SNTG2: variants seen among roughly 807,000 people sequenced by gnomAD.
SNTG2 encodes the protein gamma-2-syntrophin.
In SNTG2, 74 loss-of-function variants were observed where a neutral mutation model predicts 70.9. The ratio of observed to expected loss-of-function variants is 1.04; its 90% CI spans 0.86 to 1.27. The LOEUF (loss-of-function observed/expected upper bound fraction) is 1.27, where lower values mean the gene tolerates loss of function less well. Among genes scored for constraint, SNTG2 ranks in the 50% most tolerant of loss-of-function variants. The probability of loss-of-function intolerance (pLI) is 0.00; values close to 1 mark genes in which losing one functional copy is unlikely to be tolerated. For synonymous variants in SNTG2, 278 were observed against 273.8 expected (o/e 1.02, Z -0.15); for missense variants, 717 against 690.7 (o/e 1.04, Z -0.43).
chr2:1,033,159 T>C (rs894225388), intron 1 of SNTG2, among the ~76,000 whole-genome samples: 10 of 152,278 alleles, frequency 6.6e-5, no homozygotes, highest in African/African-American at 9.6e-5. Context: ...ATCTCCAACA[T>C]TGGAGATGAC....
intron 1 of SNTG2, among the ~76,000 whole-genome samples, chr2:984,546 T>C (rs1418115819): frequency 6.6e-6 from 1 of 152,156 alleles, no homozygotes; most frequent in Non-Finnish European, 1.5e-5. Context: ...TCCTCCCTGG[T>C]CCCTTTGGTG....
chr2:953,740 GGT>G (rs1404322572), intron 1 of SNTG2, among the ~76,000 whole-genome samples: 1 of 152,192 alleles, frequency 6.6e-6, no homozygotes, highest in Non-Finnish European at 1.5e-5. Context: ...ATTTGAATGA[GGT>G]CCAATTAAGA....
In SNTG2 at chr2:1,216,517, C is replaced by T. The variant is rs567549357; in HGVS notation, c.719+7287C>T. Among the ~76,000 whole-genome samples the T allele has an allele frequency of 1.2e-4, 19 of 152,298 alleles. 1 individual carries two copies. Among genetic ancestry groups the T allele is most frequent in the African/African-American group, 4.6e-4 (19 of 41,578 alleles). ...CCATTCTGTAGGTTGCCTGTTCACT[C>T]TGATGGTAGTTTCTTTTGCTGTGCA... On this transcript the variant is annotated intron_variant, in intron 9 of 16. Transcript: ENST00000308624.
chr2:980,271 T>C (rs902973390), intron 1 of SNTG2, among the ~76,000 whole-genome samples: 13 of 152,204 alleles, frequency 8.5e-5, no homozygotes, highest in African/African-American at 3.1e-4. Context: ...CTGGGCCTCC[T>C]CTTTAAAGGT....
chr2:1,346,546 C>A (rs566861846), intron 16 of SNTG2: 1 of 152,344 alleles, frequency 6.6e-6, no homozygotes, highest in African/African-American at 2.4e-5. Context: ...CTCCCTCCAA[C>A]GCGGGCTTCA....
intron 1 of SNTG2, among the ~76,000 whole-genome samples, chr2:1,020,215 C>T (rs1660086156): frequency 1.3e-5 from 2 of 152,254 alleles, no homozygotes. Context: ...TTCCAGCCTT[C>T]ATAGACGTGG....
intron 12 of SNTG2, among the ~76,000 whole-genome samples, chr2:1,248,470 G>T (rs2148133996): frequency 6.6e-6 from 1 of 152,212 alleles, no homozygotes; most frequent in Middle Eastern, 3.4e-3. Context: ...TATCATATTG[G>T]CTTTAGTTGC....
At chr2:965,174 A>C (rs1660497989) in intron 1 of SNTG2, among the ~76,000 whole-genome samples, 1 of 116,612 alleles carries the variant, frequency 8.6e-6, no homozygotes, top group Non-Finnish European at 1.8e-5. Flanking sequence ...CTTGGACCCC[A>C]ATCCTCCTCC....
chr2:1,320,409 G>A (rs1353090649), intron 16 of SNTG2, among the ~76,000 whole-genome samples: 1 of 151,748 alleles, frequency 6.6e-6, no homozygotes, highest in East Asian at 1.9e-4. Flanking sequence ...GCGGGCACCT[G>A]TAGTCCCAGC....
rs569475592 is a variant in SNTG2, at chr2:1,216,893, GTT to G, written c.719+7666_719+7667del. The stretch of plus-strand genomic sequence containing the variant: ...GAGTGAATTCTCATCAGATCTGATG[GTT>G]TTGTAAGGGGCTCTTTCCCTTTCAC... On this transcript the variant is annotated intron_variant, in intron 9 of 16. Coordinates refer to ENST00000308624, the MANE Select transcript of SNTG2 (RefSeq NM_018968.4). 7.2e-4 allele frequency among the ~76,000 whole-genome samples: 109 copies of G among 151,966 alleles called. 2 individuals are homozygous for G. Among genetic ancestry groups the G allele is most frequent in the Admixed American group, 7.1e-3 (108 of 15,272 alleles).
intron 1 of SNTG2, among the ~76,000 whole-genome samples, chr2:1,072,710 A>G (rs78041734): frequency 0.02 from 2,977 of 152,264 alleles, 86 homozygotes; most frequent in African/African-American, 0.068. Context: ...AATACATCTC[A>G]TAAAGTTATA....
intron 6 of SNTG2, among the ~76,000 whole-genome samples, chr2:1,139,059 G>C (rs1257484658): frequency 1.3e-5 from 2 of 152,166 alleles, no homozygotes; most frequent in African/African-American, 4.8e-5. Context: ...CATATTTCTT[G>C]GCCTCCAAAG....
chr2:1,250,207 C>T (rs1677671873), intron 12 of SNTG2, among the ~76,000 whole-genome samples: 1 of 152,240 alleles, frequency 6.6e-6, no homozygotes, highest in African/African-American at 2.4e-5. Context: ...AGTCCGTGCT[C>T]TGTCTCCGCC....
intron 6 of SNTG2, among the ~76,000 whole-genome samples, chr2:1,158,146 A>C (rs1670025339): frequency 1.3e-5 from 2 of 152,238 alleles, no homozygotes; most frequent in Admixed American, 1.3e-4. Flanking sequence ...TGACTATGGC[A>C]GTATGTAAGG....
rs375699763 is a variant in SNTG2, at chr2:998,234, G to C, written c.72+47166G>C. ...TGAGAAGGAACCAGAAATTCTGGAA[G>C]TATGAACAGAGTATTACAGCAGCCC... On this transcript the variant is annotated intron_variant, in intron 1 of 16. Coordinates refer to ENST00000308624, the MANE Select transcript of SNTG2 (RefSeq NM_018968.4). 4.6e-5 allele frequency among the ~76,000 whole-genome samples: 7 copies of C among 152,238 alleles called. No homozygotes were observed. In the East Asian group the frequency reaches 1.2e-3, roughly 25 times the overall value.
chr2:1,236,303 A>T (rs34394533), intron 9 of SNTG2, among the ~76,000 whole-genome samples: 14,692 of 152,278 alleles, frequency 0.096, 785 homozygotes, highest in South Asian at 0.15. Flanking sequence ...TTGAAGTGTA[A>T]AAATTAATTT....
intron 1 of SNTG2, among the ~76,000 whole-genome samples, chr2:1,059,903 G>T (rs1234864830): frequency 6.6e-6 from 1 of 151,896 alleles, no homozygotes; most frequent in Non-Finnish European, 1.5e-5. Flanking sequence ...TTGGATCAGG[G>T]GTACAAAAGT....
At chr2:1,099,352 G>T (rs879410091) in intron 4 of SNTG2, among the ~76,000 whole-genome samples, 1 of 152,226 alleles carries the variant, frequency 6.6e-6, no homozygotes, top group Non-Finnish European at 1.5e-5. Context: ...CACAGCCACT[G>T]CAGGGGACCC....
chr2:1,253,564 A>G (rs966510740), intron 12 of SNTG2, among the ~76,000 whole-genome samples: 1 of 152,224 alleles, frequency 6.6e-6, no homozygotes, highest in Non-Finnish European at 1.5e-5. Context: ...GCAACTTAGG[A>G]AAAACTAAAA....
Sources: gnomAD v4.1 joint callset for allele counts (sites outside exome capture counted in the v4.1 genomes callset) on GRCh38, gnomAD v4.1.1 for gene constraint, MANE v1.5 for transcripts, NCBI Gene and HGNC (gene_info 2026-07-23, HGNC 2026-07-21) for gene names.